The following HIVEP2 variants were observed in gnomAD, a reference collection of about 807,000 sequenced individuals.
HIVEP2 encodes transcription factor HIVEP2.
HIVEP2 carries 14 observed loss-of-function variants against 180.7 expected under a neutral mutation model. That is an observed-to-expected ratio of 0.08 (90% CI 0.05 to 0.12). HIVEP2 has a LOEUF of 0.12. Ranked by LOEUF, HIVEP2 falls within the 10% of genes least tolerant of loss-of-function variation. HIVEP2 has a pLI of 1.00. For synonymous variants in HIVEP2, 1,184 were observed against 1,136.4 expected, an observed-to-expected ratio of 1.04 and a Z score of -0.84; for missense variants, 2,579 against 3,008.5, an observed-to-expected ratio of 0.86 and a Z score of 3.34.
At chr6:142,866,072 T>C (rs1441140852) in intron 1 of HIVEP2, among the ~76,000 whole-genome samples, 1 of 151,832 alleles carries the variant, frequency 6.6e-6, no homozygotes, top group Non-Finnish European at 1.5e-5. Flanking sequence ...AAAATACCTG[T>C]TTTGGAGGGC....
chr6:142,808,720 G>A (rs183486834), intron 2 of HIVEP2, among the ~76,000 whole-genome samples: 9 of 149,822 alleles, frequency 6.0e-5, no homozygotes, highest in Non-Finnish European at 1.2e-4. Flanking sequence ...AGGAAAGGAT[G>A]GGGGAGGGAT....
At chr6:142,918,522 T>C (rs1014245340) in intron 1 of HIVEP2, among the ~76,000 whole-genome samples, 1 of 152,342 alleles carries the variant, frequency 6.6e-6, no homozygotes, top group East Asian at 1.9e-4. Context: ...TGCCCTGGCT[T>C]TGCGACGCTG....
intron 1 of HIVEP2, among the ~76,000 whole-genome samples, chr6:142,925,123 C>A (rs545277070): frequency 6.6e-6 from 1 of 152,170 alleles, no homozygotes; most frequent in African/African-American, 2.4e-5. Context: ...CTAACATGCA[C>A]TTTAGAAGTT....
intron 2 of HIVEP2, among the ~76,000 whole-genome samples, chr6:142,830,539 C>T (rs186449819): frequency 6.6e-6 from 1 of 151,902 alleles, no homozygotes. Flanking sequence ...TAAAATCATC[C>T]TAAACTCTTG....
Position 142,760,243 on chromosome 6 carries a change from T to A in HIVEP2, c.6045A>T (p.Arg2015Ser). 2 of 1,614,168 alleles carry A rather than the reference T, an allele frequency of 1.2e-6. No homozygotes were observed. The highest frequency in any genetic ancestry group is 1.7e-6 in the Non-Finnish European group (2 of 1,180,026). ...CATCCATACAACTAGGTATGTCCAATCTGTCTTTGTCTGGTTCTGAGTCCG... is the reference window on the plus strand; with the variant it reads ...CATCCATACAACTAGGTATGTCCAAACTGTCTTTGTCTGGTTCTGAGTCCG... ...KSTDSEPDKD[R>S]LDIPSCMDEE... Residue 2015 changes from arginine to serine, a missense_variant, in exon 9 of 10, where the codon AGA (arginine) becomes AGT (serine). Coordinates refer to ENST00000367603, the MANE Select transcript of HIVEP2 (RefSeq NM_006734.4).
At chr6:142,920,449 T>A (rs953951227) in intron 1 of HIVEP2, among the ~76,000 whole-genome samples, 3 of 152,138 alleles carry the variant, frequency 2.0e-5, no homozygotes, top group African/African-American at 7.2e-5. Flanking sequence ...ACCTCCTCTC[T>A]GACAACCAAG....
rs1299270550 is a variant in HIVEP2, at chr6:142,849,516, TA to T, written c.-640-12470del. 8.6e-4 allele frequency among the ~76,000 whole-genome samples: 113 copies of T among 130,836 alleles called. 1 individual carries two copies. Among genetic ancestry groups the T allele is most frequent in the Non-Finnish European group, 2.4e-4 (14 of 57,288 alleles). 85.8% of individuals were successfully genotyped at this position (130,836 alleles called of 152,430 possible). On this transcript the variant is annotated intron_variant, in intron 1 of 9. Transcript: ENST00000367603. ...CAGCTAGAGTGATTCTTTATTTATT[TA>T]TTTTTTTTTTTTTTTGAGACAAGGT...
Position 142,769,584 on chromosome 6 carries a change from T to C in HIVEP2, c.5155A>G (p.Thr1719Ala). Residue 1719 changes from threonine (T) to alanine (A), a missense_variant, in exon 5 of 10, where the codon ACA (threonine) becomes GCA (alanine). By Grantham distance (58) the Thr-to-Ala change is moderately conservative (BLOSUM62 0). Transcript: ENST00000367603. Reference sequence around the variant, plus strand: ...AACTGCTTCCAAGCACTTGATGATGTAAGCTTGCCGGTTCCAGGCCTATGC... The same window carrying C: ...AACTGCTTCCAAGCACTTGATGATGCAAGCTTGCCGGTTCCAGGCCTATGC... ...AMHRPGTGKLTSSSAWKQFTQ... is the reference protein window; with the variant it reads ...AMHRPGTGKLASSSAWKQFTQ... The C allele has an allele frequency of 6.2e-7, 1 of 1,614,210 alleles. No homozygotes were observed. The highest frequency in any genetic ancestry group is 8.5e-7 in the Non-Finnish European group (1 of 1,180,022).
At chr6:142,879,641 A>G (rs1776532587) in intron 1 of HIVEP2, among the ~76,000 whole-genome samples, 1 of 151,634 alleles carries the variant, frequency 6.6e-6, no homozygotes, top group Admixed American at 6.6e-5. Flanking sequence ...TCTCATGTTG[A>G]CTTTGGGTCC....
chr6:142,906,423 T>TGCCAA (rs1777266391), intron 1 of HIVEP2, among the ~76,000 whole-genome samples: 1 of 151,964 alleles, frequency 6.6e-6, no homozygotes, highest in Non-Finnish European at 1.5e-5. Flanking sequence ...AGAAAAGATA[T>TGCCAA]GCCAAGTCAA....
intron 1 of HIVEP2, among the ~76,000 whole-genome samples, chr6:142,850,544 T>G (rs1775620888): frequency 6.6e-6 from 1 of 152,258 alleles, no homozygotes; most frequent in African/African-American, 2.4e-5. Context: ...AAATCTCTTA[T>G]TGTGAAACAG....
At chr6:142,867,182 T>A (rs1189412987) in intron 1 of HIVEP2, among the ~76,000 whole-genome samples, 2 of 152,232 alleles carry the variant, frequency 1.3e-5, no homozygotes, top group African/African-American at 4.8e-5. Context: ...ACAAGGATTT[T>A]ACTCTTTTGC....
chr6:142,805,600 C>T (rs527870), intron 2 of HIVEP2, among the ~76,000 whole-genome samples: 79,371 of 151,466 alleles, frequency 0.52, 21,881 homozygotes, highest in South Asian at 0.62. Context: ...TTCTTCAAGG[C>T]GAGGACCTTA....
At chr6:142,810,896 A>T (rs951783367) in intron 2 of HIVEP2, among the ~76,000 whole-genome samples, 2 of 152,186 alleles carry the variant, frequency 1.3e-5, no homozygotes, top group Admixed American at 1.3e-4. Flanking sequence ...TGAAAAAAAT[A>T]ATCAGTGGAT....
intron 6 of HIVEP2, among the ~76,000 whole-genome samples, chr6:142,767,365 C>T (rs910598919): frequency 1.3e-5 from 2 of 152,146 alleles, no homozygotes; most frequent in East Asian, 1.9e-4. Context: ...TGCTAGATAT[C>T]CAAAGAGGGC....
chr6:142,865,325 A>G (rs549100997), intron 1 of HIVEP2, among the ~76,000 whole-genome samples: 5 of 152,270 alleles, frequency 3.3e-5, no homozygotes, highest in Admixed American at 3.3e-4. Context: ...TGTCAGGAGC[A>G]TTTTAAGAAA....
At chr6:142,757,192 A>C (rs1775098775) in intron 9 of HIVEP2, among the ~76,000 whole-genome samples, 1 of 152,138 alleles carries the variant, frequency 6.6e-6, no homozygotes, top group African/African-American at 2.4e-5. Flanking sequence ...TGGTGTGAGA[A>C]AGCATAAAGT....
chr6:142,912,888 G>C (rs917130348), intron 1 of HIVEP2, among the ~76,000 whole-genome samples: 2 of 152,202 alleles, frequency 1.3e-5, no homozygotes, highest in African/African-American at 2.4e-5. Flanking sequence ...TCATTCCTAC[G>C]AGGTAGATGC....
intron 1 of HIVEP2, among the ~76,000 whole-genome samples, chr6:142,939,946 CCT>C (rs1173204507): frequency 6.6e-6 from 1 of 152,120 alleles, no homozygotes; most frequent in East Asian, 1.9e-4. Context: ...TTTTCACTAA[CCT>C]CTGTTTCTAC....
Sources: gnomAD v4.1 joint callset for allele counts (sites outside exome capture counted in the v4.1 genomes callset) on GRCh38, gnomAD v4.1.1 for gene constraint, MANE v1.5 for transcripts, NCBI Gene and HGNC (gene_info 2026-07-23, HGNC 2026-07-21) for gene names.